Variants in TRIM29 observed in about 807,000 individuals in gnomAD.
The protein encoded by TRIM29 is tripartite motif containing 29.
Under a neutral mutation model 57.3 loss-of-function variants are expected in TRIM29, and 52 were observed. The ratio of observed to expected loss-of-function variants is 0.91; its 90% CI spans 0.73 to 1.14. The LOEUF is 1.14. Among genes scored for constraint, TRIM29 ranks in the 50% most tolerant of loss-of-function variants. The pLI is 0.00. For synonymous variants in TRIM29, 319 were observed against 316.9 expected (o/e 1.01, Z -0.07); for missense variants, 753 against 774.6 (o/e 0.97, Z 0.33).
chr11:120,119,719 C>A (rs1863386527), intron 6 of TRIM29, among the ~76,000 whole-genome samples: 1 of 152,120 alleles, frequency 6.6e-6, no homozygotes, highest in South Asian at 2.1e-4. Context: ...GTGCCCCTGA[C>A]CCTCCAGTCT....
In TRIM29 at chr11:120,127,545, T is replaced by C. The variant is rs765652057; in HGVS notation, c.925A>G (p.Ile309Val). The change falls in exon 3 of 9, where the codon ATC becomes GTC. Residue 309 changes from isoleucine (I) to valine (V), a missense_variant. Coordinates refer to ENST00000341846, the MANE Select transcript of TRIM29 (RefSeq NM_012101.4). ...AGGTCCCGGAAGTTCTGCTCCAGGA[T>C]GGCCTTCTCATTGGTGGTGAAGCTC... ...IKSFTTNEKA[I>V]LEQNFRDLVR... The C allele has an allele frequency of 9.9e-6, 16 of 1,614,062 alleles. No individual in the cohort carries two copies. The highest frequency in any genetic ancestry group is 1.6e-4 in the Middle Eastern group (1 of 6,062).
At chr11:120,133,847 G>A (rs906111763) in intron 1 of TRIM29, among the ~76,000 whole-genome samples, 30 of 152,182 alleles carry the variant, frequency 2.0e-4, no homozygotes, top group African/African-American at 7.2e-4. Context: ...TGGAGGAGGT[G>A]TGAGGCTAAG....
chr11:120,127,262 T>A, intron 3 of TRIM29, 74 bp downstream of exon 3: 1 of 1,299,668 alleles, frequency 7.7e-7, no homozygotes, highest in South Asian at 1.3e-5. Flanking sequence ...GGTGGATGGA[T>A]GGATGTTGGA....
intron 3 of TRIM29, 109 bp from the exon 4 acceptor site, chr11:120,125,998 C>T: frequency 9.4e-7 from 1 of 1,062,076 alleles, no homozygotes; most frequent in East Asian, 2.5e-5. Flanking sequence ...CGCTGCAAGC[C>T]CCACTCTTCC....
At chr11:120,129,643 C>T (rs759510041) in intron 1 of TRIM29, among the ~76,000 whole-genome samples, 9 of 152,184 alleles carry the variant, frequency 5.9e-5, no homozygotes, top group South Asian at 2.1e-4. Context: ...ACCTTCTGAA[C>T]GCCCCACCGG....
At chr11:120,125,652 G>A (rs1364631484) in intron 4 of TRIM29, 39 bp downstream of exon 4, 19 of 1,609,052 alleles carry the variant, frequency 1.2e-5, no homozygotes, top group Non-Finnish European at 1.5e-5. Context: ...GGAGAGAAAG[G>A]TCTATGGCCT....
rs534734182 is a variant in TRIM29, at chr11:120,117,983, G to A, written c.1627+240C>T. The A allele has an allele frequency of 1.1e-4, 60 of 546,474 alleles. 1 individual carries two copies. The highest frequency in any genetic ancestry group is 8.8e-4 in the South Asian group (43 of 49,142). The allele number at this position is 546,474 out of a possible 1,614,324, so 33.9% of individuals were successfully genotyped here. ...GACCACTGAGAGCTGTTGTTGCAGC[G>A]TGTAGTTAGAGACTAGAGAGCGGTG... On this transcript the variant is annotated intron_variant, in intron 7 of 8. Coordinates refer to ENST00000341846, the MANE Select transcript of TRIM29 (RefSeq NM_012101.4).
At chr11:120,126,126 G>C (rs1429461889) in intron 3 of TRIM29, 4 of 538,372 alleles carry the variant, frequency 7.4e-6, no homozygotes, top group Non-Finnish European at 1.3e-5. Flanking sequence ...CACCTCTAAA[G>C]TGGGTGCATC....
chr11:120,118,456 G>A, intron 6 of TRIM29, 135 bp from the exon 7 acceptor site: 1 of 632,812 alleles, frequency 1.6e-6, no homozygotes, highest in Non-Finnish European at 2.8e-6. Context: ...TGTGATCCCA[G>A]TGACGCCTCA....
rs1183022876 is a variant in TRIM29 at position 120,111,465 on chromosome 11, T to C, written c.*949A>G. ...TCTCCAATCCTTGAGCACCCTGATATGCAACATGGGGGGTAATCAGAAGGA... is the reference window on the plus strand; with the variant it reads ...TCTCCAATCCTTGAGCACCCTGATACGCAACATGGGGGGTAATCAGAAGGA... On this transcript the variant is annotated 3_prime_UTR_variant, in exon 9 of 9. Transcript: ENST00000341846. 3.3e-5 allele frequency: 5 copies of C among 152,202 alleles called. No individual in the cohort carries two copies. Among genetic ancestry groups the C allele is most frequent in the African/African-American group, 9.7e-5 (4 of 41,410 alleles). The allele number at this position is 152,202 out of a possible 1,614,324, so 9.4% of individuals were successfully genotyped here.
rs749596312 is a variant in TRIM29 at position 120,128,494 on chromosome 11, G to A, written c.806C>T (p.Thr269Met). Residue 269 changes from threonine to methionine, a missense_variant and splice_region_variant, in exon 2 of 9, where the codon ACG (threonine) becomes ATG (methionine). Physicochemically the swap from Thr to Met is moderately conservative, Grantham distance 81 (BLOSUM62 -1). Transcript: ENST00000341846. ...TVEEAKAEKE[T>M]ELSLQKEQLQ... ...CTGCTCCTTTTGCAATGACAGCTCC[G>A]TCTGCAGAGAAAGAGCCAGGATTGG... The A allele has an allele frequency of 1.0e-4, 163 of 1,608,838 alleles. 1 individual carries two copies. The highest frequency in any genetic ancestry group is 1.3e-4 in the African/African-American group (10 of 74,886).
chr11:120,112,570 G>T, intron 8 of TRIM29, 94 bp from the exon 9 acceptor site: 1 of 1,367,266 alleles, frequency 7.3e-7, no homozygotes, highest in Non-Finnish European at 1.0e-6. Context: ...GGAGGCAGCA[G>T]TGATCCAAGA....
rs569044 is a variant in TRIM29, at chr11:120,128,483, A to G, written c.817T>C (p.Leu273=). 0.9 allele frequency: 1,452,674 copies of G among 1,610,666 alleles called. 655,754 individuals carry two copies. Among genetic ancestry groups the G allele is most frequent in the African/African-American group, 0.98 (73,419 of 75,002 alleles). The change falls in exon 2 of 9, where the codon TTG becomes CTG. Residue 273 remains leucine (L), a synonymous_variant. Transcript: ENST00000341846. ...TTGAGCTGCAGCTGCTCCTTTTGCA[A>G]TGACAGCTCCGTCTGCAGAGAAAGA... ...AKAEKETELS[L]QKEQLQLKII... is the part of the protein sequence containing the mutation.
intron 1 of TRIM29, among the ~76,000 whole-genome samples, chr11:120,133,347 A>G (rs922648852): frequency 6.6e-6 from 1 of 152,206 alleles, no homozygotes; most frequent in African/African-American, 2.4e-5. Flanking sequence ...AACTTGTGTA[A>G]GTCTCTTGAC....
chr11:120,123,133 G>T (rs1476224281), intron 4 of TRIM29, 78 bp from the exon 5 acceptor site: 6 of 1,216,402 alleles, frequency 4.9e-6, no homozygotes, highest in African/African-American at 1.5e-5. Context: ...TTGGGGCTCA[G>T]ATGAGTCACC....
chr11:120,112,522 G>T, intron 8 of TRIM29, 46 bp from the exon 9 acceptor site: 3 of 1,606,852 alleles, frequency 1.9e-6, no homozygotes, highest in Non-Finnish European at 2.6e-6. Flanking sequence ...CGACAGATGA[G>T]CCTGCTAGCT....
chr11:120,137,076 G>T lies in TRIM29; in HGVS notation c.804+152C>A. 1.2e-6 allele frequency: 1 copy of T among 822,732 alleles called. No individual in the cohort carries two copies. The highest frequency in any genetic ancestry group is 1.9e-6 in the Non-Finnish European group (1 of 537,848). The allele number at this position is 822,732 out of a possible 1,614,324, so 51.0% of individuals were successfully genotyped here. A position where few individuals can be genotyped will look rare whatever the true frequency, so the allele number is the denominator to read the frequency against. ...CAGCTGGGATTAGGGGGGACAGGGGGCATGAGGGGAAATAAATGTTTTCTA... is the reference window on the plus strand; with the variant it reads ...CAGCTGGGATTAGGGGGGACAGGGGTCATGAGGGGAAATAAATGTTTTCTA... On this transcript the variant is annotated intron_variant, in intron 1 of 8. Coordinates refer to ENST00000341846, the MANE Select transcript of TRIM29 (RefSeq NM_012101.4). This position sits in a 1 kb window ranked among gnomAD's most constrained non-coding sequence, Gnocchi z 6.2.
intron 1 of TRIM29, among the ~76,000 whole-genome samples, chr11:120,132,081 G>A (rs921504266): frequency 1.3e-5 from 2 of 151,666 alleles, no homozygotes; most frequent in South Asian, 2.1e-4. Flanking sequence ...GGCGCACCTA[G>A]AGGTGGTGGC....
At chr11:120,130,921 G>A (rs1264794518) in intron 1 of TRIM29, among the ~76,000 whole-genome samples, 1 of 152,172 alleles carries the variant, frequency 6.6e-6, no homozygotes, top group African/African-American at 2.4e-5. Flanking sequence ...TCCAGATGAA[G>A]TGTGTACACT....
Sources: gnomAD v4.1 joint callset for allele counts (sites outside exome capture counted in the v4.1 genomes callset) on GRCh38, gnomAD v4.1.1 for gene constraint, Gnocchi (gnomAD v3.1) non-coding constraint, MANE v1.5 for transcripts, NCBI Gene and HGNC (gene_info 2026-07-23, HGNC 2026-07-21) for gene names.